SLC24A2: variants seen among roughly 807,000 people sequenced by gnomAD.
The protein encoded by SLC24A2 is sodium/potassium/calcium exchanger 2.
SLC24A2 carries 36 observed loss-of-function variants against 62.0 expected under a neutral mutation model. The ratio of observed to expected loss-of-function variants is 0.58; its 90% CI spans 0.44 to 0.77. SLC24A2 has a LOEUF of 0.77. Ranked by LOEUF, SLC24A2 falls within the 30% of genes least tolerant of loss-of-function variation. SLC24A2 has a pLI of 0.00. For synonymous variants in SLC24A2, 358 were observed against 294.0 expected (o/e 1.22, Z -2.23); for missense variants, 846 against 817.9 (o/e 1.03, Z -0.42).
chr9:19,650,595 C>A (rs1184641117), intron 2 of SLC24A2, among the ~76,000 whole-genome samples: 1 of 152,114 alleles, frequency 6.6e-6, no homozygotes, highest in Non-Finnish European at 1.5e-5. Flanking sequence ...GGAGAGAGAG[C>A]AAAGCTAACT....
At chr9:19,982,707 C>A in the SLC24A2 span, among the ~76,000 whole-genome samples, 1 of 151,926 alleles carries the variant, frequency 6.6e-6, no homozygotes, top group Non-Finnish European at 1.5e-5. Context: ...ACCCTAATAC[C>A]AAAAGCCAGA....
At position 19,573,434 on chromosome 9, in the gene SLC24A2, C is replaced by T. The variant is rs140929864; in HGVS notation, c.1264G>A (p.Val422Ile). The change falls in exon 7 of 11, where the codon GTT becomes ATT. Residue 422 changes from valine to isoleucine, a missense_variant. By Grantham distance (29) the Val-to-Ile change is conservative. Transcript: ENST00000341998. The stretch of plus-strand genomic sequence containing the variant: ...GCATCACTGGATGGTGTCATTTCAA[C>T]ATCTGTGCTGGTGCTGTTTGGAAGC... ...IELPNSTSTDVEMTPSSDASE... is the reference protein window; with the variant it reads ...IELPNSTSTDIEMTPSSDASE... 15 of 1,609,376 alleles carry T rather than the reference C, an allele frequency of 9.3e-6. No homozygotes were observed. Among genetic ancestry groups the T allele is most frequent in the African/African-American group, 1.3e-5 (1 of 74,636 alleles).
At chr9:19,623,059 G>A (rs918305483) in intron 2 of SLC24A2, among the ~76,000 whole-genome samples, 4 of 152,154 alleles carry the variant, frequency 2.6e-5, no homozygotes, top group African/African-American at 9.7e-5. Flanking sequence ...TGCTGGAAGC[G>A]AACGCAACTC....
At chr9:19,685,840 T>C (rs1819864829) in intron 2 of SLC24A2, among the ~76,000 whole-genome samples, 1 of 152,074 alleles carries the variant, frequency 6.6e-6, no homozygotes, top group South Asian at 2.1e-4. Context: ...TAGGAAATAC[T>C]GTCTGGACAT....
At chr9:19,951,462 T>C in the SLC24A2 span, among the ~76,000 whole-genome samples, 122,155 of 151,848 alleles carry the variant, frequency 0.8, 49,769 homozygotes, top group Non-Finnish European at 0.88. Flanking sequence ...ATTTTCCCCC[T>C]TTTTTCTCTA....
chr9:20,046,269 CT>C, the SLC24A2 span, among the ~76,000 whole-genome samples: 1 of 152,206 alleles, frequency 6.6e-6, no homozygotes, highest in Non-Finnish European at 1.5e-5. Context: ...CATCTTCATA[CT>C]GTCTAATTGC....
the SLC24A2 span, among the ~76,000 whole-genome samples, chr9:19,897,318 T>C: frequency 6.6e-6 from 1 of 152,180 alleles, no homozygotes; most frequent in Non-Finnish European, 1.5e-5. Flanking sequence ...TTCATATTTA[T>C]AAATGTGAAA....
chr9:19,532,300 T>C (rs921740836), intron 8 of SLC24A2, among the ~76,000 whole-genome samples: 3 of 152,120 alleles, frequency 2.0e-5, no homozygotes, highest in African/African-American at 7.2e-5. Context: ...TTCTCTATGT[T>C]GGTCAGGCTG....
intron 4 of SLC24A2, among the ~76,000 whole-genome samples, chr9:19,607,471 C>T (rs1837018439): frequency 6.6e-6 from 1 of 151,946 alleles, no homozygotes; most frequent in Non-Finnish European, 1.5e-5. Context: ...AATCCCAGCA[C>T]ATTGGGAGGA....
At chr9:19,598,622 T>A (rs575189128) in intron 4 of SLC24A2, among the ~76,000 whole-genome samples, 1 of 151,888 alleles carries the variant, frequency 6.6e-6, no homozygotes, top group Non-Finnish European at 1.5e-5. Context: ...GAAAGAAAAT[T>A]TTTTTCATGA....
chr9:19,748,258 G>A (rs1015327974), intron 2 of SLC24A2, among the ~76,000 whole-genome samples: 1 of 152,162 alleles, frequency 6.6e-6, no homozygotes, highest in African/African-American at 2.4e-5. Flanking sequence ...GATTTCAGTT[G>A]CCTGAGTACT....
chr9:19,738,787 G>GA (rs572161686), intron 2 of SLC24A2, among the ~76,000 whole-genome samples: 2 of 151,896 alleles, frequency 1.3e-5, no homozygotes, highest in African/African-American at 4.8e-5. Flanking sequence ...AACAGAAGAT[G>GA]AAAAAATTAA....
At chr9:20,261,396 A>G in the SLC24A2 span, among the ~76,000 whole-genome samples, 1 of 152,188 alleles carries the variant, frequency 6.6e-6, no homozygotes, top group East Asian at 1.9e-4. Context: ...GTAGAAGTGC[A>G]AAAGGGAGGA....
chr9:19,560,301 G>A (rs60971916), intron 7 of SLC24A2, among the ~76,000 whole-genome samples: 2 of 110,214 alleles, frequency 1.8e-5, no homozygotes, highest in African/African-American at 6.7e-5. Flanking sequence ...TTATGAGCCC[G>A]CCCCCCACCC....
At chr9:20,192,305 G>T in the SLC24A2 span, among the ~76,000 whole-genome samples, 1 of 152,140 alleles carries the variant, frequency 6.6e-6, no homozygotes, top group Non-Finnish European at 1.5e-5. Context: ...TGGGGCTGGG[G>T]AGGCCTGGAA....
intron 4 of SLC24A2, among the ~76,000 whole-genome samples, chr9:19,602,487 A>G (rs1011281955): frequency 1.3e-5 from 2 of 152,242 alleles, no homozygotes; most frequent in Non-Finnish European, 2.9e-5. Context: ...AATGTCATTT[A>G]TATTCTTTTG....
chr9:19,907,676 C>T, the SLC24A2 span, among the ~76,000 whole-genome samples: 3 of 152,106 alleles, frequency 2.0e-5, no homozygotes, highest in East Asian at 1.9e-4. Context: ...CACAAGCATT[C>T]GTATACACCA....
chr9:20,039,034 G>C, the SLC24A2 span, among the ~76,000 whole-genome samples: 2 of 152,164 alleles, frequency 1.3e-5, no homozygotes, highest in South Asian at 4.1e-4. Flanking sequence ...AATGGACTAA[G>C]AGAGAACAGA....
chr9:19,784,914 T>C (rs2118941767), intron 2 of SLC24A2, among the ~76,000 whole-genome samples: 1 of 152,210 alleles, frequency 6.6e-6, no homozygotes, highest in East Asian at 1.9e-4. Context: ...TTTAACCATA[T>C]TAATATCATT....
Sources: gnomAD v4.1 joint callset for allele counts (sites outside exome capture counted in the v4.1 genomes callset) on GRCh38, gnomAD v4.1.1 for gene constraint, MANE v1.5 for transcripts, NCBI Gene and HGNC (gene_info 2026-07-23, HGNC 2026-07-21) for gene names.